FBXL7: variants seen among roughly 807,000 people sequenced by gnomAD.
FBXL7 encodes the protein F-box/LRR-repeat protein 7.
A neutral mutation model predicts 38.3 loss-of-function variants in FBXL7; 12 were observed. The observed-to-expected ratio is 0.31, with a 90% CI of 0.20 to 0.51. FBXL7 has a LOEUF of 0.51. Ranked by LOEUF, FBXL7 falls within the 20% of genes least tolerant of loss-of-function variation. FBXL7 has a pLI of 0.98. For synonymous variants in FBXL7, 297 were observed against 300.9 expected (o/e 0.99, Z 0.13); for missense variants, 567 against 676.4 (o/e 0.84, Z 1.79).
chr5:15,790,804 C>T (rs1389673580), intron 2 of FBXL7, among the ~76,000 whole-genome samples: 1 of 152,172 alleles, frequency 6.6e-6, no homozygotes, highest in African/African-American at 2.4e-5. Flanking sequence ...AAGGGAAACA[C>T]TGCATTTTCC....
chr5:15,641,196 T>C (rs1436290325), intron 2 of FBXL7, among the ~76,000 whole-genome samples: 1 of 152,224 alleles, frequency 6.6e-6, no homozygotes, highest in Non-Finnish European at 1.5e-5. Context: ...GTTAGACTTT[T>C]AGGGACTCCT....
At chr5:15,683,419 C>T (rs1203618451) in intron 2 of FBXL7, among the ~76,000 whole-genome samples, 3 of 152,094 alleles carry the variant, frequency 2.0e-5, no homozygotes, top group East Asian at 1.9e-4. Context: ...CTGTGCTCTC[C>T]GTCACCCCCA....
intron 2 of FBXL7, among the ~76,000 whole-genome samples, chr5:15,697,930 G>C (rs1029787112): frequency 6.6e-6 from 1 of 152,182 alleles, no homozygotes; most frequent in East Asian, 1.9e-4. Context: ...CTTGTTATTA[G>C]AGTAGGATAG....
chr5:15,563,243 A>G (rs1738467772), intron 1 of FBXL7, among the ~76,000 whole-genome samples: 2 of 152,108 alleles, frequency 1.3e-5, no homozygotes, highest in South Asian at 4.1e-4. Flanking sequence ...AGTGCTTGGC[A>G]CCAAGTTGGG....
chr5:15,551,936 A>G (rs950695036), intron 1 of FBXL7, among the ~76,000 whole-genome samples: 18 of 152,174 alleles, frequency 1.2e-4, no homozygotes, highest in African/African-American at 4.3e-4. Flanking sequence ...TTGTTCTTAT[A>G]TGGTCTTGTG....
chr5:15,511,641 T>C (rs1736800567), intron 1 of FBXL7, among the ~76,000 whole-genome samples: 1 of 152,242 alleles, frequency 6.6e-6, no homozygotes, highest in Non-Finnish European at 1.5e-5. Context: ...TTTTGTGAAA[T>C]TGCTTTGTAA....
At chr5:15,769,485 G>A (rs1223800991) in intron 2 of FBXL7, among the ~76,000 whole-genome samples, 2 of 152,126 alleles carry the variant, frequency 1.3e-5, no homozygotes, top group African/African-American at 2.4e-5. Context: ...TGTACATTTA[G>A]TCCCCATGCA....
chr5:15,607,954 C>T (rs1242543594), intron 1 of FBXL7, among the ~76,000 whole-genome samples: 1 of 152,172 alleles, frequency 6.6e-6, no homozygotes, highest in Non-Finnish European at 1.5e-5. Flanking sequence ...CGAATCTGAC[C>T]AGCACAGTTC....
At chr5:15,507,129 CCTGA>C (rs2126349462) in intron 1 of FBXL7, among the ~76,000 whole-genome samples, 1 of 151,940 alleles carries the variant, frequency 6.6e-6, no homozygotes, top group Admixed American at 6.6e-5. Flanking sequence ...CTGAATGCTG[CCTGA>C]CTTATTGGAT....
At chr5:15,592,009 G>T (rs1413274488) in intron 1 of FBXL7, among the ~76,000 whole-genome samples, 1 of 152,028 alleles carries the variant, frequency 6.6e-6, no homozygotes, top group Non-Finnish European at 1.5e-5. Flanking sequence ...CGTGCCCGAG[G>T]TTGGCCACAT....
At chr5:15,927,500 G>T (rs978723328) in intron 2 of FBXL7, among the ~76,000 whole-genome samples, 1 of 152,100 alleles carries the variant, frequency 6.6e-6, no homozygotes, top group Non-Finnish European at 1.5e-5. Context: ...GGCCGGGCAC[G>T]CTGGCTCACA....
At chr5:15,789,955 T>C (rs978547801) in intron 2 of FBXL7, among the ~76,000 whole-genome samples, 2 of 152,148 alleles carry the variant, frequency 1.3e-5, no homozygotes, top group Non-Finnish European at 2.9e-5. Flanking sequence ...TTCTGGACCT[T>C]GAATTTGCCC....
intron 2 of FBXL7, among the ~76,000 whole-genome samples, chr5:15,665,028 A>G (rs1048289168): frequency 1.3e-5 from 2 of 152,136 alleles, no homozygotes; most frequent in Admixed American, 6.5e-5. Context: ...TCTTACAAAG[A>G]AGTTTGCTGT....
chr5:15,854,936 G>A (rs751032202), intron 2 of FBXL7, among the ~76,000 whole-genome samples: 5 of 152,022 alleles, frequency 3.3e-5, no homozygotes, highest in African/African-American at 7.2e-5. Context: ...CTTCATTAAT[G>A]TGTTTTTGAA....
At chr5:15,691,887 G>C (rs377129674) in intron 2 of FBXL7, among the ~76,000 whole-genome samples, 205 of 152,290 alleles carry the variant, frequency 1.3e-3, no homozygotes, top group African/African-American at 4.7e-3. Context: ...AGGGACTCCC[G>C]CATCGCTGGA....
intron 2 of FBXL7, among the ~76,000 whole-genome samples, chr5:15,641,412 A>G (rs1741365313): frequency 6.6e-6 from 1 of 152,186 alleles, no homozygotes; most frequent in Admixed American, 6.5e-5. Context: ...AGAGACAGGT[A>G]GGAAGTTCTT....
chr5:15,737,717 T>C (rs1291454592), intron 2 of FBXL7, among the ~76,000 whole-genome samples: 3 of 152,218 alleles, frequency 2.0e-5, no homozygotes, highest in Admixed American at 6.5e-5. Context: ...TCACTTTGTC[T>C]GTATACATTA....
chr5:15,726,841 G>A (rs1008096905), intron 2 of FBXL7, among the ~76,000 whole-genome samples: 2 of 151,950 alleles, frequency 1.3e-5, no homozygotes, highest in African/African-American at 4.8e-5. Flanking sequence ...ATTATTGATT[G>A]GGAGGAACTT....
rs145962204 is a variant in FBXL7 at position 15,512,262 on chromosome 5, C to T, written c.37+11549C>T. On this transcript the variant is annotated intron_variant, in intron 1 of 3. Coordinates refer to ENST00000504595, the MANE Select transcript of FBXL7 (RefSeq NM_012304.5). Reference sequence around the variant, plus strand: ...CTATCATTGTTGAATAGAAATCCATCTTATTCATTTGGTCTTTAATTGCTT... The same window carrying T: ...CTATCATTGTTGAATAGAAATCCATTTTATTCATTTGGTCTTTAATTGCTT... Among the ~76,000 whole-genome samples, 72 of 152,304 alleles carry T rather than the reference C, an allele frequency of 4.7e-4. 1 individual carries two copies. The East Asian group carries it at 6.9e-3, about 15-fold the overall frequency.
Sources: allele counts gnomAD v4.1 joint callset (sites outside exome capture counted in the v4.1 genomes callset), GRCh38; gene constraint gnomAD v4.1.1; transcripts MANE v1.5; gene names NCBI Gene and HGNC (gene_info 2026-07-23, HGNC 2026-07-21).